STARD13: variants seen among roughly 807,000 people sequenced by gnomAD.
STARD13 encodes the protein StAR related lipid transfer domain containing 13, also known as stAR-related lipid transfer protein 13.
Under a neutral mutation model 106.4 loss-of-function variants are expected in STARD13, and 62 were observed. The observed-to-expected ratio is 0.58, with a 90% CI of 0.48 to 0.72. The LOEUF is 0.72. Ranked by LOEUF, STARD13 falls within the 30% of genes least tolerant of loss-of-function variation. STARD13 has a pLI of 0.00. For synonymous variants in STARD13, 565 were observed against 553.0 expected, an observed-to-expected ratio of 1.02 and a Z score of -0.31; for missense variants, 1,387 against 1,424.0, an observed-to-expected ratio of 0.97 and a Z score of 0.42.
At chr13:33,549,338 T>C in the STARD13 span, among the ~76,000 whole-genome samples, 1 of 152,236 alleles carries the variant, frequency 6.6e-6, no homozygotes, top group Non-Finnish European at 1.5e-5. Flanking sequence ...AAAATAAATA[T>C]ACTCGGTCAT....
the STARD13 span, among the ~76,000 whole-genome samples, chr13:33,576,287 A>G: frequency 3.9e-5 from 6 of 152,114 alleles, no homozygotes; most frequent in African/African-American, 1.4e-4. Context: ...CAGTCGCTCC[A>G]TCATAACTCA....
chr13:33,562,728 G>A, the STARD13 span, among the ~76,000 whole-genome samples: 1 of 145,878 alleles, frequency 6.9e-6, no homozygotes, highest in Non-Finnish European at 1.5e-5. Flanking sequence ...TACCTAAATT[G>A]GTTGATTAAA....
chr13:33,359,192 G>C, the STARD13 span, among the ~76,000 whole-genome samples: 1 of 151,954 alleles, frequency 6.6e-6, no homozygotes, highest in Admixed American at 6.6e-5. Flanking sequence ...TCACTCTTTG[G>C]GTCCACGCTG....
chr13:33,559,483 C>T, the STARD13 span, among the ~76,000 whole-genome samples: 1 of 151,386 alleles, frequency 6.6e-6, no homozygotes, highest in Non-Finnish European at 1.5e-5. Context: ...GATATTAGGA[C>T]TTGGGGTCTT....
In STARD13 at chr13:33,104,366, A is replaced by AC. The variant is rs1373624288; in HGVS notation, c.*1226dup. The AC allele has an allele frequency of 6.6e-6, 1 of 152,594 alleles. No homozygotes were observed. Among genetic ancestry groups the AC allele is most frequent in the African/African-American group, 2.4e-5 (1 of 41,458 alleles). 9.5% of individuals were successfully genotyped at this position (152,594 alleles called of 1,614,324 possible). A position where few individuals can be genotyped will look rare whatever the true frequency, so the allele number is the denominator to read the frequency against. Reference sequence around the variant, plus strand: ...TGAAGAAACACAGAAGAATTAATAAACCCGATTATACTATCTAAAACTAAT... The same window carrying AC: ...TGAAGAAACACAGAAGAATTAATAAACCCCGATTATACTATCTAAAACTAAT... On this transcript the variant is annotated 3_prime_UTR_variant, in exon 14 of 14. Coordinates refer to ENST00000336934, the MANE Select transcript of STARD13 (RefSeq NM_178006.4).
At chr13:33,668,136 TC>T in the STARD13 span, among the ~76,000 whole-genome samples, 1 of 152,214 alleles carries the variant, frequency 6.6e-6, no homozygotes, top group Admixed American at 6.5e-5. Context: ...GCTGCCCAAT[TC>T]GGGGATCATT....
At chr13:33,393,420 G>A in the STARD13 span, among the ~76,000 whole-genome samples, 2 of 152,132 alleles carry the variant, frequency 1.3e-5, no homozygotes, top group South Asian at 4.1e-4. Flanking sequence ...GCTGCGTATG[G>A]GTTATGGCAT....
the STARD13 span, among the ~76,000 whole-genome samples, chr13:33,551,568 CCTTTTTTTTTTTTTTTTTTTT>C: frequency 0.02 from 877 of 44,790 alleles, 181 homozygotes; most frequent in African/African-American, 0.057. Flanking sequence ...TTTGCTTTTC[CCTTTTTTTTTTTTTTTTTTTT>C]TTTTTTTTTT....
chr13:33,577,988 G>A, the STARD13 span, among the ~76,000 whole-genome samples: 1 of 152,154 alleles, frequency 6.6e-6, no homozygotes, highest in Non-Finnish European at 1.5e-5. Context: ...AAACACTGCT[G>A]AAATAAATCA....
At chr13:33,579,031 G>A in the STARD13 span, among the ~76,000 whole-genome samples, 1 of 152,076 alleles carries the variant, frequency 6.6e-6, no homozygotes, top group Non-Finnish European at 1.5e-5. Context: ...GGTGAAGAGG[G>A]AATGCTTATA....
the STARD13 span, among the ~76,000 whole-genome samples, chr13:33,578,037 T>C: frequency 6.6e-6 from 1 of 152,152 alleles, no homozygotes; most frequent in Non-Finnish European, 1.5e-5. Flanking sequence ...CCCTTGCTCA[T>C]GGATTGGAAG....
chr13:33,322,743 A>G (rs1455325262), intron 1 of STARD13, among the ~76,000 whole-genome samples: 1 of 152,226 alleles, frequency 6.6e-6, no homozygotes, highest in African/African-American at 2.4e-5. Flanking sequence ...AGAAGTTAAA[A>G]AGAAGAGACT....
At chr13:33,614,939 G>A in the STARD13 span, among the ~76,000 whole-genome samples, 1 of 152,158 alleles carries the variant, frequency 6.6e-6, no homozygotes, top group Admixed American at 6.5e-5. Flanking sequence ...AAATGTTTTT[G>A]GAAACTGTCA....
At chr13:33,577,184 C>A in the STARD13 span, among the ~76,000 whole-genome samples, 1 of 152,176 alleles carries the variant, frequency 6.6e-6, no homozygotes, top group African/African-American at 2.4e-5. Flanking sequence ...TTGTGCAGCA[C>A]AGACCTTGGA....
At chr13:33,201,431 A>T (rs1887033125) in intron 1 of STARD13, among the ~76,000 whole-genome samples, 2 of 152,248 alleles carry the variant, frequency 1.3e-5, no homozygotes, top group African/African-American at 4.8e-5. Context: ...TACTATGATA[A>T]CATGGCTTTA....
At chr13:33,435,685 A>G in the STARD13 span, among the ~76,000 whole-genome samples, 1 of 152,210 alleles carries the variant, frequency 6.6e-6, no homozygotes, top group African/African-American at 2.4e-5. Flanking sequence ...AAATCTAGAG[A>G]GATAATTTAA....
chr13:33,194,986 A>G (rs1399573355), intron 1 of STARD13, among the ~76,000 whole-genome samples: 3 of 152,248 alleles, frequency 2.0e-5, no homozygotes, highest in Non-Finnish European at 2.9e-5. Context: ...AAAAGAACTC[A>G]TATTTTCCCA....
chr13:33,106,016 A>C (rs924964395), intron 13 of STARD13, among the ~76,000 whole-genome samples: 1 of 152,230 alleles, frequency 6.6e-6, no homozygotes, highest in African/African-American at 2.4e-5. Flanking sequence ...CGTTTTGTCT[A>C]CCCAGACCAA....
chr13:33,612,621 C>T, the STARD13 span, among the ~76,000 whole-genome samples: 1 of 152,152 alleles, frequency 6.6e-6, no homozygotes. Context: ...GTCTATTCCC[C>T]TTCTGGGAAT....
Sources: allele counts gnomAD v4.1 joint callset (sites outside exome capture counted in the v4.1 genomes callset), GRCh38; gene constraint gnomAD v4.1.1; transcripts MANE v1.5; gene names NCBI Gene and HGNC (gene_info 2026-07-23, HGNC 2026-07-21).